Variants in PCDH15 observed in about 807,000 individuals in gnomAD.
The protein encoded by PCDH15 is protocadherin-15.
In PCDH15, 129 loss-of-function variants were observed where a neutral mutation model predicts 178.5. That is an observed-to-expected ratio of 0.72 (90% CI 0.63 to 0.84). The LOEUF (loss-of-function observed/expected upper bound fraction) is 0.84, where lower values mean the gene tolerates loss of function less well. Ranked by LOEUF, PCDH15 falls within the 40% of genes least tolerant of loss-of-function variation. PCDH15 has a pLI of 0.00. For synonymous variants in PCDH15, 800 were observed against 732.0 expected (o/e 1.09, Z -1.50); for missense variants, 2,230 against 2,099.9 (o/e 1.06, Z -1.21).
chr10:54,784,149 C>T (rs953103182), intron 1 of PCDH15, among the ~76,000 whole-genome samples: 10 of 152,008 alleles, frequency 6.6e-5, no homozygotes, highest in African/African-American at 2.4e-4. Flanking sequence ...TAGCCTCTTC[C>T]TTGATACATG....
At chr10:54,071,660 G>T (rs1056220507) in intron 17 of PCDH15, among the ~76,000 whole-genome samples, 1 of 152,056 alleles carries the variant, frequency 6.6e-6, no homozygotes, top group Non-Finnish European at 1.5e-5. Flanking sequence ...AAACATGTAT[G>T]CTTAGAATTT....
chr10:54,070,411 C>T (rs372106255), intron 17 of PCDH15, among the ~76,000 whole-genome samples: 7 of 152,264 alleles, frequency 4.6e-5, no homozygotes, highest in African/African-American at 1.2e-4. Context: ...ACTATGATGG[C>T]CAGGCTGATC....
rs150634343 is a variant in PCDH15 at position 54,051,006 on chromosome 10, A to G, written c.2220+15751T>C. ...CACTCTGCATTTCTCTGCTCCTGCT[A>G]TCATGTGAAGAAGGATGTGTGTGCT... On this transcript the variant is annotated intron_variant, in intron 18 of 37. Coordinates refer to ENST00000644397, the MANE Select transcript of PCDH15 (RefSeq NM_001384140.1). Among the ~76,000 whole-genome samples, 46 of 152,316 alleles carry G rather than the reference A, an allele frequency of 3.0e-4. 1 individual carries two copies. The highest frequency in any genetic ancestry group is 1.1e-3 in the African/African-American group (44 of 41,576).
At chr10:55,487,103 T>C (rs1423160349) in intron 2 of PCDH15, among the ~76,000 whole-genome samples, 1 of 151,700 alleles carries the variant, frequency 6.6e-6, no homozygotes, top group African/African-American at 2.4e-5. Flanking sequence ...CTTACTGTCA[T>C]TTGAACTATT....
intron 8 of PCDH15, among the ~76,000 whole-genome samples, chr10:54,276,950 C>T (rs369784040): frequency 4.6e-5 from 7 of 151,576 alleles, no homozygotes; most frequent in South Asian, 2.1e-4. Flanking sequence ...AATGGGGTTG[C>T]GCAGAGAGGG....
At chr10:54,182,506 A>AGTGTGTGTGTGTGTGTGT (rs71007813) in intron 13 of PCDH15, among the ~76,000 whole-genome samples, 16 of 148,078 alleles carry the variant, frequency 1.1e-4, no homozygotes, top group African/African-American at 4.0e-4. Context: ...AGAGAAAAAA[A>AGTGTGTGTGTGTGTGTGT]GTGTGTGTGT....
intron 2 of PCDH15, among the ~76,000 whole-genome samples, chr10:54,652,360 G>A (rs1414349093): frequency 6.6e-6 from 1 of 152,134 alleles, no homozygotes; most frequent in Admixed American, 6.6e-5. Context: ...ACTGAATTAG[G>A]GCAGGGACAC....
intron 3 of PCDH15, among the ~76,000 whole-genome samples, chr10:54,493,741 A>C (rs992460885): frequency 2.0e-5 from 3 of 152,166 alleles, no homozygotes; most frequent in African/African-American, 7.2e-5. Flanking sequence ...TACTGGGTAT[A>C]TAGCAAAGGA....
intron 1 of PCDH15, among the ~76,000 whole-genome samples, chr10:55,242,181 A>G (rs1187891029): frequency 6.6e-6 from 1 of 152,190 alleles, no homozygotes; most frequent in Non-Finnish European, 1.5e-5. Flanking sequence ...TTAGTTTCCA[A>G]CCACTGGTGT....
intron 2 of PCDH15, among the ~76,000 whole-genome samples, chr10:55,464,594 T>C (rs1056414776): frequency 1.0e-4 from 15 of 149,886 alleles, no homozygotes; most frequent in African/African-American, 3.4e-4. Flanking sequence ...TCAAACACTG[T>C]AAAAATGGCC....
intron 2 of PCDH15, among the ~76,000 whole-genome samples, chr10:55,115,132 T>G (rs1355193850): frequency 3.3e-5 from 5 of 152,222 alleles, no homozygotes; most frequent in Non-Finnish European, 7.3e-5. Flanking sequence ...CTTGAACCAT[T>G]TGTTTTCCTC....
intron 2 of PCDH15, among the ~76,000 whole-genome samples, chr10:55,482,816 G>C (rs1432691861): frequency 6.6e-6 from 1 of 151,652 alleles, no homozygotes; most frequent in Non-Finnish European, 1.5e-5. Context: ...TCTTCTCCTG[G>C]AGTATCTTAC....
At chr10:55,432,117 C>CACACACA (rs1565132647) in intron 2 of PCDH15, among the ~76,000 whole-genome samples, 1 of 99,474 alleles carries the variant, frequency 1.0e-5, no homozygotes, top group Admixed American at 1.1e-4. Context: ...ACACACACCA[C>CACACACA]AAGTCTCTCC....
intron 1 of PCDH15, among the ~76,000 whole-genome samples, chr10:54,766,995 T>A (rs1051113709): frequency 2.6e-5 from 4 of 152,118 alleles, no homozygotes; most frequent in African/African-American, 9.7e-5. Flanking sequence ...ATCTTCCCAC[T>A]GAATACACAA....
At chr10:55,507,020 T>C (rs933137529) in intron 2 of PCDH15, among the ~76,000 whole-genome samples, 1 of 151,568 alleles carries the variant, frequency 6.6e-6, no homozygotes, top group South Asian at 2.1e-4. Context: ...GGTATATACA[T>C]ATAATTACTT....
intron 2 of PCDH15, among the ~76,000 whole-genome samples, chr10:55,428,585 T>C (rs757926865): frequency 1.3e-5 from 2 of 151,824 alleles, no homozygotes; most frequent in African/African-American, 4.8e-5. Flanking sequence ...TATCTATCTA[T>C]CTATCTCAGA....
At chr10:53,930,001 A>G (rs1462167414) in intron 25 of PCDH15, among the ~76,000 whole-genome samples, 1 of 152,190 alleles carries the variant, frequency 6.6e-6, no homozygotes, top group Non-Finnish European at 1.5e-5. Context: ...AAATATTAAC[A>G]TAAGCTTCTA....
intron 2 of PCDH15, among the ~76,000 whole-genome samples, chr10:54,908,238 G>T (rs1389749550): frequency 6.6e-6 from 1 of 152,196 alleles, no homozygotes; most frequent in African/African-American, 2.4e-5. Flanking sequence ...GAGTGGGCAT[G>T]GGGTTCAGTT....
chr10:54,351,936 A>G (rs1258195381), intron 5 of PCDH15, among the ~76,000 whole-genome samples: 1 of 152,238 alleles, frequency 6.6e-6, no homozygotes. Context: ...TATATTCACG[A>G]AACCGATGGT....
Sources: gnomAD v4.1 joint callset for allele counts (sites outside exome capture counted in the v4.1 genomes callset) on GRCh38, gnomAD v4.1.1 for gene constraint, MANE v1.5 for transcripts, NCBI Gene and HGNC (gene_info 2026-07-23, HGNC 2026-07-21) for gene names.